PRKCE: variants seen among roughly 807,000 people sequenced by gnomAD.
PRKCE encodes protein kinase C epsilon type.
A neutral mutation model predicts 85.4 loss-of-function variants in PRKCE; 16 were observed. That is an observed-to-expected ratio of 0.19 (90% CI 0.13 to 0.28). The LOEUF is 0.28. Among genes scored for constraint, PRKCE ranks in the 10% least tolerant of loss-of-function variants. PRKCE has a pLI of 1.00. For missense variants in PRKCE, 573 were observed against 975.2 expected (o/e 0.59, Z 5.49); for synonymous variants, 388 against 371.5 (o/e 1.04, Z -0.51).
intron 10 of PRKCE, among the ~76,000 whole-genome samples, chr2:46,056,089 C>T (rs1457951245): frequency 1.3e-5 from 2 of 152,176 alleles, no homozygotes; most frequent in African/African-American, 4.8e-5. Flanking sequence ...CCATAATTTT[C>T]TCATCTGTAA....
chr2:46,149,306 CT>C (rs34549767), intron 12 of PRKCE, among the ~76,000 whole-genome samples: 9 of 151,212 alleles, frequency 6.0e-5, no homozygotes, highest in African/African-American at 1.2e-4. Flanking sequence ...TGAACTTTGC[CT>C]TTTTTTTTCA....
At chr2:45,716,668 AAAG>A (rs147246415) in intron 1 of PRKCE, among the ~76,000 whole-genome samples, 5,051 of 140,964 alleles carry the variant, frequency 0.036, 111 homozygotes, top group Admixed American at 0.04. Context: ...AGGAGAAGAA[AAAG>A]AAGAAGAAGA....
rs948408012 is a variant in PRKCE, at chr2:46,086,735, T to A, written c.1592+373T>A. On this transcript the variant is annotated intron_variant, in intron 11 of 14. Coordinates refer to ENST00000306156, the MANE Select transcript of PRKCE (RefSeq NM_005400.3). ...CTTCTGTGCCATGAACTTCCTCCCCTTCCTAGTCTCTTGCCACTTCCTGAG... is the reference window on the plus strand; with the variant it reads ...CTTCTGTGCCATGAACTTCCTCCCCATCCTAGTCTCTTGCCACTTCCTGAG... 1.6e-4 allele frequency among the ~76,000 whole-genome samples: 24 copies of A among 152,184 alleles called. 1 individual carries two copies. Among genetic ancestry groups the A allele is most frequent in the Non-Finnish European group, 1.5e-5 (1 of 68,032 alleles).
At chr2:46,070,377 C>T (rs1440974535) in intron 10 of PRKCE, among the ~76,000 whole-genome samples, 10 of 152,324 alleles carry the variant, frequency 6.6e-5, no homozygotes, top group Non-Finnish European at 1.3e-4. Context: ...GGCGCGGTGG[C>T]GCATGCCTGT....
chr2:45,652,599 C>T lies in PRKCE; in HGVS notation c.348+151C>T. The T allele has an allele frequency of 1.3e-6, 1 of 772,914 alleles. No individual in the cohort carries two copies. Among genetic ancestry groups the T allele is most frequent in the Non-Finnish European group, 2.0e-6 (1 of 495,040 alleles). 47.9% of individuals were successfully genotyped at this position (772,914 alleles called of 1,614,324 possible). A position where few individuals can be genotyped will look rare whatever the true frequency, so the allele number is the denominator to read the frequency against. ...AGTTTCCTTGGGGAGGTACACTTCA[C>T]TTCATAGTTGGGGAGAAACAGGCAT... On this transcript the variant is annotated intron_variant, in intron 1 of 14. Coordinates refer to ENST00000306156, the MANE Select transcript of PRKCE (RefSeq NM_005400.3). This position sits in a 1 kb window ranked among gnomAD's most constrained non-coding sequence, Gnocchi z 7.7.
intron 9 of PRKCE, 130 bp downstream of exon 9, chr2:46,007,791 G>A: frequency 9.3e-7 from 1 of 1,074,068 alleles, no homozygotes; most frequent in Non-Finnish European, 1.3e-6. Context: ...TTTTTTGTAA[G>A]TGCAAATGAC....
intron 1 of PRKCE, among the ~76,000 whole-genome samples, chr2:45,814,245 C>T (rs987049443): frequency 1.3e-5 from 2 of 152,232 alleles, no homozygotes; most frequent in Non-Finnish European, 2.9e-5. Flanking sequence ...AAGTGGCAAA[C>T]TTGACGGATT....
At chr2:45,801,541 G>T (rs1001922019) in intron 1 of PRKCE, among the ~76,000 whole-genome samples, 2 of 152,080 alleles carry the variant, frequency 1.3e-5, no homozygotes. Flanking sequence ...AGGCGGGAAT[G>T]CTGCCCAGGT....
At chr2:46,062,818 G>A (rs1012682164) in intron 10 of PRKCE, among the ~76,000 whole-genome samples, 3 of 151,826 alleles carry the variant, frequency 2.0e-5, no homozygotes, top group African/African-American at 7.3e-5. Context: ...CAGTGGAGAC[G>A]TTGTTTCGCT....
In PRKCE at chr2:45,984,558, C is replaced by G. The variant is rs1574116937; in HGVS notation, c.701C>G (p.Ser234Cys). ...ATCTTGCCATCCCTGCAGGTGGGCT[C>G]CCAGCGGTTCAGCGTCAACATGCCC... The part of the protein sequence containing the change: ...KKQETPDQVG[S>C]QRFSVNMPHK... The change falls in exon 6 of 15, where the codon TCC becomes TGC. Residue 234 changes from serine (S) to cysteine (C), a missense_variant. By Grantham distance (112) the Ser-to-Cys change is moderately radical. Transcript: ENST00000306156. 6.3e-7 allele frequency: 1 copy of G among 1,599,478 alleles called. No individual in the cohort carries two copies.
intron 1 of PRKCE, among the ~76,000 whole-genome samples, chr2:45,761,498 C>T (rs1371339686): frequency 6.6e-6 from 1 of 152,100 alleles, no homozygotes; most frequent in Non-Finnish European, 1.5e-5. Flanking sequence ...CAGAAGTATA[C>T]ACTTTTATTG....
chr2:45,710,933 G>A (rs903994056), intron 1 of PRKCE, among the ~76,000 whole-genome samples: 3 of 152,166 alleles, frequency 2.0e-5, no homozygotes, highest in South Asian at 2.1e-4. Flanking sequence ...GCCTTCTCTC[G>A]CTTAACATGG....
intron 7 of PRKCE, among the ~76,000 whole-genome samples, chr2:46,003,505 G>T (rs183563838): frequency 2.0e-5 from 3 of 152,158 alleles, no homozygotes; most frequent in African/African-American, 7.2e-5. Flanking sequence ...CTTACTTTGT[G>T]TAAGTCACTA....
At chr2:45,777,408 C>T (rs1264028114) in intron 1 of PRKCE, among the ~76,000 whole-genome samples, 1 of 152,014 alleles carries the variant, frequency 6.6e-6, no homozygotes, top group Non-Finnish European at 1.5e-5. Context: ...AACCTCAGAG[C>T]ACATTATGTA....
intron 10 of PRKCE, among the ~76,000 whole-genome samples, chr2:46,038,200 G>A (rs911473492): frequency 2.6e-5 from 4 of 152,066 alleles, no homozygotes; most frequent in Non-Finnish European, 4.4e-5. Flanking sequence ...AAATCAAGGC[G>A]CTACTTTGCA....
chr2:45,875,672 T>C (rs13384667), intron 2 of PRKCE, among the ~76,000 whole-genome samples: 1,994 of 152,292 alleles, frequency 0.013, 40 homozygotes, highest in African/African-American at 0.045. Context: ...GCTCAAGATA[T>C]TTTGCCACTA....
intron 1 of PRKCE, among the ~76,000 whole-genome samples, chr2:45,702,254 G>A (rs889364559): frequency 2.0e-5 from 3 of 152,168 alleles, no homozygotes; most frequent in Non-Finnish European, 2.9e-5. Flanking sequence ...GGAGTCCTCC[G>A]CTCAGATACA....
chr2:45,782,047 T>C (rs549882551), intron 1 of PRKCE, among the ~76,000 whole-genome samples: 14 of 152,364 alleles, frequency 9.2e-5, no homozygotes, highest in Admixed American at 8.5e-4. Context: ...ATTTTATTTT[T>C]AAATAATTCA....
intron 2 of PRKCE, among the ~76,000 whole-genome samples, chr2:45,847,422 T>C (rs1378831376): frequency 6.6e-6 from 1 of 152,256 alleles, no homozygotes; most frequent in Non-Finnish European, 1.5e-5. Flanking sequence ...AGAAGGGATA[T>C]TTTAGAAATC....
Sources: gnomAD v4.1 joint callset for allele counts (sites outside exome capture counted in the v4.1 genomes callset) on GRCh38, gnomAD v4.1.1 for gene constraint, Gnocchi (gnomAD v3.1) non-coding constraint, MANE v1.5 for transcripts, NCBI Gene and HGNC (gene_info 2026-07-23, HGNC 2026-07-21) for gene names.